The following NKAIN3 variants were observed in gnomAD, a reference collection of about 807,000 sequenced individuals.
NKAIN3 encodes sodium/potassium-transporting ATPase subunit beta-1-interacting protein 3.
Under a neutral mutation model 30.2 loss-of-function variants are expected in NKAIN3, and 25 were observed. The observed-to-expected ratio is 0.83, with a 90% CI of 0.60 to 1.16. The LOEUF (loss-of-function observed/expected upper bound fraction) is 1.16, where lower values mean the gene tolerates loss of function less well. NKAIN3 is among the 50% of genes most tolerant of loss of function. The pLI, the probability that NKAIN3 is intolerant of heterozygous loss-of-function variation, is 0.00. For synonymous variants in NKAIN3, 91 were observed against 89.6 expected, an observed-to-expected ratio of 1.02 and a Z score of -0.09; for missense variants, 225 against 254.1, an observed-to-expected ratio of 0.89 and a Z score of 0.78.
intron 4 of NKAIN3, among the ~76,000 whole-genome samples, chr8:62,799,723 A>G (rs571157349): frequency 1.3e-5 from 2 of 152,352 alleles, no homozygotes; most frequent in Non-Finnish European, 2.9e-5. Flanking sequence ...GTAAGTCATT[A>G]TATAAAAAAG....
chr8:62,382,636 C>T (rs1817312438), intron 1 of NKAIN3, among the ~76,000 whole-genome samples: 1 of 152,084 alleles, frequency 6.6e-6, no homozygotes, highest in South Asian at 2.1e-4. Flanking sequence ...TGGAACCCTT[C>T]TTCCAATTTG....
At chr8:62,878,460 C>T (rs1820866096) in intron 4 of NKAIN3, among the ~76,000 whole-genome samples, 1 of 152,014 alleles carries the variant, frequency 6.6e-6, no homozygotes. Flanking sequence ...CAATAAATAC[C>T]TCTACCCCCT....
At chr8:62,812,345 A>C (rs527628529) in intron 4 of NKAIN3, among the ~76,000 whole-genome samples, 1 of 152,026 alleles carries the variant, frequency 6.6e-6, no homozygotes, top group East Asian at 1.9e-4. Flanking sequence ...TTTTAGAAGA[A>C]GCTTATTTAT....
chr8:62,350,044 C>T (rs1816132799), intron 1 of NKAIN3, among the ~76,000 whole-genome samples: 3 of 152,180 alleles, frequency 2.0e-5, no homozygotes, highest in Admixed American at 6.5e-5. Flanking sequence ...ATGGTGCAGC[C>T]ACTGTGAAAA....
chr8:62,506,227 T>C lies in NKAIN3; in HGVS notation c.55-73312T>C, dbSNP rs1436593273. 4.5e-5 allele frequency among the ~76,000 whole-genome samples: 3 copies of C among 66,078 alleles called. No homozygotes were observed. In the East Asian group the frequency reaches 1.4e-3, roughly 30 times the overall value. 43.3% of individuals were successfully genotyped at this position (66,078 alleles called of 152,430 possible). A position where few individuals can be genotyped will look rare whatever the true frequency, so the allele number is the denominator to read the frequency against. ...GGTTTCAGGGATCCATATGAGAATA[T>C]TGGGGGGGGGGACATTATTTCACCT... On this transcript the variant is annotated intron_variant, in intron 1 of 6. Transcript: ENST00000623646.
At chr8:62,621,586 A>G (rs937646062) in intron 3 of NKAIN3, among the ~76,000 whole-genome samples, 4 of 152,094 alleles carry the variant, frequency 2.6e-5, no homozygotes, top group Non-Finnish European at 4.4e-5. Flanking sequence ...CCTATGTCAT[A>G]AATGTTATTT....
At chr8:62,278,911 G>A (rs1563916613) in intron 1 of NKAIN3, among the ~76,000 whole-genome samples, 1 of 152,114 alleles carries the variant, frequency 6.6e-6, no homozygotes, top group Non-Finnish European at 1.5e-5. Context: ...GGATGGCTGG[G>A]TCAAATGGTA....
chr8:62,855,253 C>T, intron 4 of NKAIN3: 9 of 448,208 alleles, frequency 2.0e-5, no homozygotes, highest in South Asian at 1.8e-4. Flanking sequence ...GGGAACAAGG[C>T]CTGCCAGCCT....
rs1815907516 is a variant in NKAIN3 at position 62,345,346 on chromosome 8, CACATATACACATATAT to C, written c.54+96220_54+96235del. ...ATATACACATATATGTATATATACA[CACATATACACATATAT>C]GTATATATACACATATATGTATATA... On this transcript the variant is annotated intron_variant, in intron 1 of 6. Transcript: ENST00000623646. Among the ~76,000 whole-genome samples the C allele has an allele frequency of 1.5e-3, 18 of 11,900 alleles. 3 individuals carry two copies. In the Admixed American group the frequency reaches 0.022, roughly 14 times the overall value. 7.8% of individuals were successfully genotyped at this position (11,900 alleles called of 152,430 possible). A position where few individuals can be genotyped will look rare whatever the true frequency, so the allele number is the denominator to read the frequency against.
intron 3 of NKAIN3, among the ~76,000 whole-genome samples, chr8:62,699,259 A>C (rs1472341346): frequency 6.6e-6 from 1 of 152,220 alleles, no homozygotes; most frequent in Non-Finnish European, 1.5e-5. Flanking sequence ...AACAAGTTCA[A>C]GGAAATTAGT....
At chr8:62,695,493 G>A (rs1449108830) in intron 3 of NKAIN3, among the ~76,000 whole-genome samples, 1 of 152,108 alleles carries the variant, frequency 6.6e-6, no homozygotes, top group Non-Finnish European at 1.5e-5. Flanking sequence ...AATGCCTATG[G>A]AGCAAGGAAT....
chr8:62,666,286 A>C (rs148649718), intron 3 of NKAIN3, among the ~76,000 whole-genome samples: 150 of 152,324 alleles, frequency 9.8e-4, no homozygotes, highest in African/African-American at 3.5e-3. Flanking sequence ...GTAACCATAC[A>C]CACAGTAAAT....
intron 1 of NKAIN3, among the ~76,000 whole-genome samples, chr8:62,560,062 GT>G (rs1809519934): frequency 6.6e-6 from 1 of 152,036 alleles, no homozygotes; most frequent in Non-Finnish European, 1.5e-5. Context: ...ACAGTTTTAT[GT>G]TTTTAGCAAG....
At chr8:62,919,640 T>C (rs1822216851) in intron 5 of NKAIN3, among the ~76,000 whole-genome samples, 1 of 152,180 alleles carries the variant, frequency 6.6e-6, no homozygotes, top group African/African-American at 2.4e-5. Flanking sequence ...AAACCAGAGA[T>C]TGCATTGCAG....
chr8:62,833,216 CA>C (rs1292137438), intron 4 of NKAIN3, among the ~76,000 whole-genome samples: 6 of 151,858 alleles, frequency 4.0e-5, no homozygotes, highest in Non-Finnish European at 8.8e-5. Flanking sequence ...GTTTATAGTG[CA>C]AAAAACCTAC....
intron 1 of NKAIN3, among the ~76,000 whole-genome samples, chr8:62,388,636 T>G (rs1249725874): frequency 6.6e-6 from 1 of 152,198 alleles, no homozygotes; most frequent in Non-Finnish European, 1.5e-5. Flanking sequence ...ACGACCATGT[T>G]TAAATGGTTT....
intron 5 of NKAIN3, among the ~76,000 whole-genome samples, chr8:62,921,656 TG>T (rs1197668437): frequency 8.5e-5 from 13 of 152,194 alleles, no homozygotes; most frequent in African/African-American, 2.7e-4. Context: ...TTCATTCTAA[TG>T]AAAAAGCTTA....
intron 3 of NKAIN3, among the ~76,000 whole-genome samples, chr8:62,712,656 G>A (rs13250037): frequency 0.55 from 82,915 of 151,938 alleles, 26,377 homozygotes; most frequent in Non-Finnish European, 0.73. Context: ...CAGACTACCC[G>A]CCTCTCAGCC....
chr8:62,356,011 A>G (rs1001740075), intron 1 of NKAIN3, among the ~76,000 whole-genome samples: 2 of 152,184 alleles, frequency 1.3e-5, no homozygotes, highest in Admixed American at 1.3e-4. Flanking sequence ...GTAACTTCCA[A>G]CGGTGGCAGG....
Sources: allele counts gnomAD v4.1 joint callset (sites outside exome capture counted in the v4.1 genomes callset), GRCh38; gene constraint gnomAD v4.1.1; transcripts MANE v1.5; gene names NCBI Gene and HGNC (gene_info 2026-07-23, HGNC 2026-07-21).